The following NCALD variants were observed in gnomAD, a reference collection of about 807,000 sequenced individuals.
NCALD encodes neurocalcin-delta.
NCALD carries 10 observed loss-of-function variants against 18.6 expected under a neutral mutation model. That is an observed-to-expected ratio of 0.54 (90% confidence interval 0.33 to 0.91). The LOEUF is 0.91. Among genes scored for constraint, NCALD ranks in the 40% least tolerant of loss-of-function variants. NCALD has a pLI of 0.03. For synonymous variants in NCALD, 88 were observed against 87.4 expected (o/e 1.01, Z -0.04); for missense variants, 184 against 247.6 (o/e 0.74, Z 1.72).
intron 1 of NCALD, among the ~76,000 whole-genome samples, chr8:102,050,767 T>C (rs914446630): frequency 2.0e-5 from 3 of 146,520 alleles, no homozygotes; most frequent in African/African-American, 7.4e-5. Context: ...AAATATATAA[T>C]TTTATTTTTA....
intron 1 of NCALD, among the ~76,000 whole-genome samples, chr8:102,115,727 T>C (rs79238799): frequency 0.017 from 2,516 of 152,230 alleles, 69 homozygotes; most frequent in African/African-American, 0.057. Context: ...GAAACTTGAG[T>C]CTCTGCTGCT....
chr8:101,852,358 C>A (rs1261437394), intron 4 of NCALD, among the ~76,000 whole-genome samples: 1 of 152,194 alleles, frequency 6.6e-6, no homozygotes, highest in African/African-American at 2.4e-5. Flanking sequence ...AGCCCTTGGT[C>A]CCTCAGACCT....
intron 2 of NCALD, among the ~76,000 whole-genome samples, chr8:101,943,711 C>A (rs534444478): frequency 3.3e-5 from 5 of 151,798 alleles, no homozygotes; most frequent in African/African-American, 1.2e-4. Flanking sequence ...GAGGCCGAGG[C>A]GGGCGGATCG....
At chr8:101,691,440 GTTAGGGCT>G (rs1228983864) in intron 3 of NCALD, 1 of 985,298 alleles carries the variant, frequency 1.0e-6, no homozygotes, top group African/African-American at 1.7e-5. Context: ...TCAACACACA[GTTAGGGCT>G]TTAGGGCTTT....
intron 2 of NCALD, among the ~76,000 whole-genome samples, chr8:102,011,960 C>T (rs1821918498): frequency 1.3e-5 from 2 of 152,204 alleles, no homozygotes; most frequent in Middle Eastern, 3.4e-3. Context: ...TTTCCATGTT[C>T]GTCAGAAAGG....
intron 3 of NCALD, among the ~76,000 whole-genome samples, chr8:101,890,770 G>A (rs1017209511): frequency 4.6e-5 from 7 of 152,146 alleles, no homozygotes; most frequent in African/African-American, 1.4e-4. Flanking sequence ...AAATTACCCA[G>A]TCTCAGGTAT....
At chr8:101,786,141 G>C (rs1009597800) in intron 1 of NCALD, 1 of 152,176 alleles carries the variant, frequency 6.6e-6, no homozygotes, top group African/African-American at 2.4e-5. Context: ...ATGATGGAAG[G>C]GACCTGCCCT....
At chr8:101,825,857 G>A (rs1160327805) in intron 4 of NCALD, among the ~76,000 whole-genome samples, 1 of 152,164 alleles carries the variant, frequency 6.6e-6, no homozygotes, top group African/African-American at 2.4e-5. Flanking sequence ...AAGTAAATAA[G>A]CATGGCTGTG....
In NCALD at chr8:102,022,320, T is replaced by C. The variant is rs947537624; in HGVS notation, c.-209-2031A>G. Among the ~76,000 whole-genome samples the C allele has an allele frequency of 3.0e-4, 45 of 152,346 alleles. 1 individual carries two copies. The highest frequency in any genetic ancestry group is 1.0e-3 in the African/African-American group (43 of 41,586). The stretch of plus-strand genomic sequence containing the variant: ...ATCCAGTATTCTATGATCATTTCAG[T>C]AAAGCATTAAGCTTTGCAATAGCAA... On this transcript the variant is annotated intron_variant, in intron 1 of 6. Transcript: ENST00000311028.
chr8:101,745,950 C>T (rs1481679333), intron 1 of NCALD: 1 of 152,192 alleles, frequency 6.6e-6, no homozygotes, highest in East Asian at 1.9e-4. Flanking sequence ...CAAGTCTCTG[C>T]TTCGATCATT....
intron 1 of NCALD, chr8:101,779,830 T>G (rs938109521): frequency 6.6e-6 from 1 of 152,192 alleles, no homozygotes; most frequent in African/African-American, 2.4e-5. Context: ...GTACTCATTA[T>G]GAAACAATGT....
upstream of NCALD, among the ~76,000 whole-genome samples, chr8:101,795,682 G>A (rs1349739835): frequency 1.3e-5 from 2 of 152,202 alleles, no homozygotes; most frequent in Admixed American, 1.3e-4. Flanking sequence ...ATTCAGTGAA[G>A]CACTGAGGTA....
At chr8:101,977,308 T>C (rs902529110) in intron 2 of NCALD, among the ~76,000 whole-genome samples, 2 of 152,144 alleles carry the variant, frequency 1.3e-5, no homozygotes, top group African/African-American at 4.8e-5. Flanking sequence ...CATTTTCTAT[T>C]TTTGTCCTAA....
intron 1 of NCALD, among the ~76,000 whole-genome samples, chr8:101,725,858 T>C (rs183155658): frequency 3.5e-4 from 54 of 152,246 alleles, no homozygotes; most frequent in Admixed American, 3.1e-3. Context: ...AGTGAAATGA[T>C]AGATGAAGAC....
At chr8:102,057,098 G>GC (rs1006194847) in intron 1 of NCALD, among the ~76,000 whole-genome samples, 2 of 152,090 alleles carry the variant, frequency 1.3e-5, no homozygotes, top group Non-Finnish European at 2.9e-5. Flanking sequence ...TTTGTAATCT[G>GC]CCCCTGCTTA....
At chr8:101,789,046 T>C (rs1201525260) in intron 1 of NCALD, 1 of 152,206 alleles carries the variant, frequency 6.6e-6, no homozygotes, top group Admixed American at 6.5e-5. Flanking sequence ...TGAAAGAGCA[T>C]TGAATACAAT....
intron 2 of NCALD, among the ~76,000 whole-genome samples, chr8:101,698,318 C>T (rs114184412): frequency 0.014 from 2,099 of 152,118 alleles, 40 homozygotes; most frequent in African/African-American, 0.042. Context: ...TCCATCCTCA[C>T]GGATAGGAAG....
chr8:101,691,762 C>A (rs1009355467), intron 3 of NCALD: 1 of 985,172 alleles, frequency 1.0e-6, no homozygotes, highest in Non-Finnish European at 1.2e-6. Flanking sequence ...TGTACCTGGG[C>A]GGGGGATAAA....
Position 102,052,488 on chromosome 8 carries a change from C to T in NCALD, c.-209-32199G>A, listed in dbSNP as rs1465677483. The stretch of plus-strand genomic sequence containing the variant: ...GCCTTTCTCTCATAGAGGACTTCTC[C>T]CTCTCAAAAGTATTTTCACTTATGT... On this transcript the variant is annotated intron_variant, in intron 1 of 6. Transcript: ENST00000311028. Among the ~76,000 whole-genome samples the T allele has an allele frequency of 2.0e-5, 3 of 152,314 alleles. No individual in the cohort carries two copies. In the East Asian group the frequency reaches 5.8e-4, roughly 29 times the overall value.
Sources: allele counts gnomAD v4.1 joint callset (sites outside exome capture counted in the v4.1 genomes callset), GRCh38; gene constraint gnomAD v4.1.1; transcripts MANE v1.5; gene names NCBI Gene and HGNC (gene_info 2026-07-23, HGNC 2026-07-21).